Variants in HS3ST3B1 observed in about 807,000 individuals in gnomAD.
The protein encoded by HS3ST3B1 is heparan sulfate glucosamine 3-O-sulfotransferase 3B1.
Under a neutral mutation model 21.3 loss-of-function variants are expected in HS3ST3B1, and 13 were observed. That is an observed-to-expected ratio of 0.61 (90% CI 0.40 to 0.97). HS3ST3B1 has a LOEUF of 0.97. HS3ST3B1 is among the 50% of genes least tolerant of loss of function. The pLI, the probability that HS3ST3B1 is intolerant of heterozygous loss-of-function variation, is 0.00. For synonymous variants in HS3ST3B1, 234 were observed against 254.8 expected (o/e 0.92, Z 0.78); for missense variants, 459 against 554.8 (o/e 0.83, Z 1.73).
intron 1 of HS3ST3B1, among the ~76,000 whole-genome samples, chr17:14,309,080 C>T (rs1188705987): frequency 6.6e-6 from 1 of 152,238 alleles, no homozygotes; most frequent in Non-Finnish European, 1.5e-5. Flanking sequence ...CCCAGCTGCC[C>T]CCGACGTTGC....
rs1908926916 is a variant in HS3ST3B1 at position 14,301,612 on chromosome 17, A to C, written c.94A>C (p.Lys32Gln). 2.5e-6 allele frequency: 4 copies of C among 1,605,762 alleles called. No individual in the cohort carries two copies. Among genetic ancestry groups the C allele is most frequent in the Non-Finnish European group, 3.4e-6 (4 of 1,178,648 alleles). The part of the protein sequence containing the change: ...PPPPPPPVRR[K>Q]LALLFAMLCV... ...GCCGCCCCCGCCGCCGGTGAGGAGG[A>C]AGCTCGCGCTGCTCTTCGCCATGCT... is the stretch of plus-strand genomic sequence containing the variant. Residue 32 changes from lysine (K) to glutamine (Q), a missense_variant, in exon 1 of 2, where the codon AAG becomes CAG. By Grantham distance (53) the Lys-to-Gln change is moderately conservative. Coordinates refer to ENST00000360954, the MANE Select transcript of HS3ST3B1 (RefSeq NM_006041.3).
intron 1 of HS3ST3B1, among the ~76,000 whole-genome samples, chr17:14,333,066 ACCCTGTGCGTCC>A (rs1033239830): frequency 1.3e-4 from 19 of 151,576 alleles, no homozygotes; most frequent in Non-Finnish European, 1.0e-4. Context: ...AAGGAGTGAG[ACCCTGTGCGTCC>A]CCAGAGGAGA....
At chr17:14,309,413 G>A (rs1909234126) in intron 1 of HS3ST3B1, among the ~76,000 whole-genome samples, 1 of 152,224 alleles carries the variant, frequency 6.6e-6, no homozygotes, top group Non-Finnish European at 1.5e-5. Flanking sequence ...CTGTTGGGCT[G>A]AGCCTGGCTG....
chr17:14,315,783 T>C (rs1356153258), intron 1 of HS3ST3B1, among the ~76,000 whole-genome samples: 4 of 151,200 alleles, frequency 2.6e-5, no homozygotes, highest in Non-Finnish European at 5.9e-5. Context: ...ATTGCACCAT[T>C]GCACTCCAGC....
At chr17:14,322,898 CTTTT>C (rs34065582) in intron 1 of HS3ST3B1, among the ~76,000 whole-genome samples, 1 of 94,582 alleles carries the variant, frequency 1.1e-5, no homozygotes. Flanking sequence ...GTGTCTATGT[CTTTT>C]TTTTTTTTTT....
chr17:14,318,202 G>T (rs1022093354), intron 1 of HS3ST3B1, among the ~76,000 whole-genome samples: 2 of 152,136 alleles, frequency 1.3e-5, no homozygotes, highest in Non-Finnish European at 2.9e-5. Flanking sequence ...CCCCAGGCCA[G>T]CTTCTCCAGC....
At chr17:14,338,877 T>C (rs537486690) in intron 1 of HS3ST3B1, among the ~76,000 whole-genome samples, 14 of 152,214 alleles carry the variant, frequency 9.2e-5, no homozygotes, top group African/African-American at 3.4e-4. Flanking sequence ...TCATTGTGCT[T>C]GTCATCCCCA....
intron 1 of HS3ST3B1, among the ~76,000 whole-genome samples, chr17:14,338,850 CTGGTGGTCCTGGAAGTTCAT>C (rs1410646831): frequency 3.9e-5 from 6 of 152,172 alleles, no homozygotes; most frequent in African/African-American, 1.4e-4. Flanking sequence ...TTTGAGGCCA[CTGGTGGTCCTGGAAGTTCAT>C]TGTGCTTGTC....
At chr17:14,339,342 T>A (rs1026856133) in intron 1 of HS3ST3B1, among the ~76,000 whole-genome samples, 1 of 152,150 alleles carries the variant, frequency 6.6e-6, no homozygotes, top group Non-Finnish European at 1.5e-5. Context: ...AGTGATCTGA[T>A]TAACACTGAA....
At position 14,301,491 on chromosome 17, in the gene HS3ST3B1, T is replaced by C; in HGVS notation, c.-28T>C. On this transcript the variant is annotated 5_prime_UTR_variant, in exon 1 of 2. The change abolishes an upstream ATG in the 5' untranslated region. Coordinates refer to ENST00000360954, the MANE Select transcript of HS3ST3B1 (RefSeq NM_006041.3). Reference sequence around the variant, plus strand: ...GGGACCCACGCCATGTGCTGAGCCATGTCCCTGGCCGCGCCCGCGGGCAGC... The same window carrying C: ...GGGACCCACGCCATGTGCTGAGCCACGTCCCTGGCCGCGCCCGCGGGCAGC... 1 of 1,479,332 alleles carries C rather than the reference T, an allele frequency of 6.8e-7. No homozygotes were observed. The highest frequency in any genetic ancestry group is 2.3e-5 in the Admixed American group (1 of 43,344). The allele number at this position is 1,479,332 out of a possible 1,614,324, so 91.6% of individuals were successfully genotyped here.
At chr17:14,330,550 G>GGTGTGTGTGT (rs60767866) in intron 1 of HS3ST3B1, among the ~76,000 whole-genome samples, 8,819 of 144,086 alleles carry the variant, frequency 0.061, 361 homozygotes, top group South Asian at 0.13. Flanking sequence ...CTGGTTTCCC[G>GGTGTGTGTGT]GTGTGTGTGT....
At chr17:14,312,901 CT>C (rs35154149) in intron 1 of HS3ST3B1, among the ~76,000 whole-genome samples, 39,018 of 129,226 alleles carry the variant, frequency 0.3, 6,118 homozygotes, top group East Asian at 0.52. Context: ...GTGAAAATGT[CT>C]TTTTTTTTTT....
chr17:14,333,609 G>C (rs1344860509), intron 1 of HS3ST3B1, among the ~76,000 whole-genome samples: 1 of 152,138 alleles, frequency 6.6e-6, no homozygotes, highest in Non-Finnish European at 1.5e-5. Flanking sequence ...TGAGGGGGCG[G>C]GGTAGGGTGT....
intron 1 of HS3ST3B1, among the ~76,000 whole-genome samples, chr17:14,316,520 T>C (rs1398905388): frequency 6.6e-6 from 1 of 152,190 alleles, no homozygotes; most frequent in Non-Finnish European, 1.5e-5. Flanking sequence ...TTGATGGTGT[T>C]GGAAAAGGTG....
chr17:14,330,438 T>A (rs2142343848), intron 1 of HS3ST3B1, among the ~76,000 whole-genome samples: 1 of 152,232 alleles, frequency 6.6e-6, no homozygotes, highest in African/African-American at 2.4e-5. Context: ...ACCTGTTGTC[T>A]GTGGCAGGGC....
chr17:14,315,589 G>A (rs564390271), intron 1 of HS3ST3B1, among the ~76,000 whole-genome samples: 9 of 152,240 alleles, frequency 5.9e-5, no homozygotes, highest in East Asian at 1.9e-4. Context: ...TTGGGAGGCC[G>A]AGGTGGGTGG....
At chr17:14,326,021 ACGTGTGTGTGTGTG>A (rs1909804253) in intron 1 of HS3ST3B1, among the ~76,000 whole-genome samples, 1 of 150,784 alleles carries the variant, frequency 6.6e-6, no homozygotes, top group African/African-American at 2.4e-5. Context: ...GTGTGTGTGT[ACGTGTGTGTGTGTG>A]CACGCACGTG....
chr17:14,329,328 A>G (rs918677848), intron 1 of HS3ST3B1: 1 of 107,714 alleles, frequency 9.3e-6, no homozygotes, highest in African/African-American at 3.8e-5. Context: ...AAAGAAAGAA[A>G]GAAAGAAAGA....
intron 1 of HS3ST3B1, among the ~76,000 whole-genome samples, chr17:14,317,429 AG>A (rs1473855868): frequency 1.4e-4 from 22 of 152,224 alleles, no homozygotes; most frequent in Admixed American, 1.4e-3. Flanking sequence ...AAATCCTCAA[AG>A]AACTCACCAT....
Sources: allele counts gnomAD v4.1 joint callset (sites outside exome capture counted in the v4.1 genomes callset), GRCh38; gene constraint gnomAD v4.1.1; transcripts MANE v1.5; gene names NCBI Gene and HGNC (gene_info 2026-07-23, HGNC 2026-07-21).